Variants in POLB observed in about 807,000 individuals in gnomAD.
The protein encoded by POLB is DNA polymerase beta, also known as 5'-dRP lyase.
A neutral mutation model predicts 52.7 loss-of-function variants in POLB; 37 were observed. The observed-to-expected ratio is 0.70, with a 90% CI of 0.54 to 0.92. The LOEUF is 0.92. Ranked by LOEUF, POLB falls within the 40% of genes least tolerant of loss-of-function variation. POLB has a pLI of 0.00. For missense variants in POLB, 313 were observed against 400.8 expected (o/e 0.78, Z 1.87); for synonymous variants, 138 against 131.3 (o/e 1.05, Z -0.35).
chr8:42,368,754 A>G (rs1050901922), intron 11 of POLB, among the ~76,000 whole-genome samples: 1 of 152,048 alleles, frequency 6.6e-6, no homozygotes, highest in Admixed American at 6.6e-5. Context: ...GATTTCTTCA[A>G]TTTCAAACTC....
intron 13 of POLB, chr8:42,370,266 T>G (rs1824300067): frequency 1.5e-5 from 7 of 455,198 alleles, no homozygotes; most frequent in East Asian, 1.1e-4. Flanking sequence ...AGGGTTTTTT[T>G]TTTTTTTTTT....
At position 42,357,379 on chromosome 8, in the gene POLB, C is replaced by T; in HGVS notation, c.537C>T (p.Gly179=). ...CTGAATACATTGCTACAGTCTGTGG[C>T]AGTTTCAGAAGAGGTAACATACTTC... ...VDSEYIATVC[G]SFRRGAESSG... Residue 179 remains glycine (G), a synonymous_variant, in exon 9 of 14, where the codon GGC becomes GGT. Coordinates refer to ENST00000265421, the MANE Select transcript of POLB (RefSeq NM_002690.3). The T allele has an allele frequency of 6.4e-7, 1 of 1,567,304 alleles. No homozygotes were observed.
chr8:42,344,166 G>A (rs1023519430), intron 2 of POLB, among the ~76,000 whole-genome samples: 6 of 150,542 alleles, frequency 4.0e-5, no homozygotes, highest in East Asian at 3.9e-4. Context: ...AAAAGTGGCC[G>A]GGAGTGGTGG....
intron 9 of POLB, chr8:42,361,094 A>T: frequency 1.4e-6 from 1 of 690,270 alleles, no homozygotes; most frequent in Non-Finnish European, 2.6e-6. Flanking sequence ...TTGTCATCAC[A>T]GATTCTGCTG....
chr8:42,367,709 G>A (rs963714181), intron 11 of POLB, among the ~76,000 whole-genome samples: 7 of 152,000 alleles, frequency 4.6e-5, no homozygotes, highest in Non-Finnish European at 2.9e-5. Flanking sequence ...CAAACCTTAG[G>A]AAAGCCATGG....
At chr8:42,345,280 T>G (rs1822540195) in intron 3 of POLB, among the ~76,000 whole-genome samples, 1 of 152,242 alleles carries the variant, frequency 6.6e-6, no homozygotes, top group African/African-American at 2.4e-5. Context: ...AATATATACA[T>G]GTACTCACGT....
At chr8:42,342,109 G>A (rs2130773308) in intron 2 of POLB, 1 of 1,226,562 alleles carries the variant, frequency 8.2e-7, no homozygotes. Context: ...CATAACCAGG[G>A]AATCATTTGG....
chr8:42,345,308 G>A (rs1450127487), intron 3 of POLB, among the ~76,000 whole-genome samples: 2 of 152,208 alleles, frequency 1.3e-5, no homozygotes, highest in Non-Finnish European at 2.9e-5. Context: ...CAACTTGAGT[G>A]TTGGTTTTTA....
intron 2 of POLB, chr8:42,342,598 A>C (rs956304493): frequency 2.9e-6 from 2 of 700,368 alleles, no homozygotes; most frequent in African/African-American, 1.8e-5. Flanking sequence ...TATCTCTTAA[A>C]GTAGGCCTTA....
At chr8:42,365,483 T>A (rs1196821346) in intron 11 of POLB, among the ~76,000 whole-genome samples, 1 of 152,196 alleles carries the variant, frequency 6.6e-6, no homozygotes, top group Non-Finnish European at 1.5e-5. Flanking sequence ...CATTTAAGAA[T>A]ATTCAGTCAG....
At chr8:42,351,915 C>T (rs1236352174) in intron 5 of POLB, among the ~76,000 whole-genome samples, 2 of 152,178 alleles carry the variant, frequency 1.3e-5, no homozygotes, top group Non-Finnish European at 2.9e-5. Context: ...TTTCTCTTCT[C>T]TTGAACAGGC....
In POLB at chr8:42,370,156, T is replaced by TA. The variant is rs1162284991; in HGVS notation, c.913+169dup. 11 of 689,662 alleles carry TA rather than the reference T, an allele frequency of 1.6e-5. No homozygotes were observed. The East Asian group carries it at 3.1e-4, about 19-fold the overall frequency. The allele number at this position is 689,662 out of a possible 1,614,324, so 42.7% of individuals were successfully genotyped here. On this transcript the variant is annotated intron_variant, in intron 13 of 13. Coordinates refer to ENST00000265421, the MANE Select transcript of POLB (RefSeq NM_002690.3). ...GAGGATTTAATGCATAACATGCTCC[T>TA]AGGCCCTCAGTTGAAGGCCATCAAG...
rs539517090 is a variant in POLB, at chr8:42,344,772, G to A, written c.120-181G>A. On this transcript the variant is annotated intron_variant, in intron 2 of 13. Transcript: ENST00000265421. ...GGAGGTTCCAGTGAGCTGAGATCGC[G>A]CTGCTGCACTCCAGCCTGGCAACAG... 2.4e-4 allele frequency among the ~76,000 whole-genome samples: 36 copies of A among 152,044 alleles called. No individual in the cohort carries two copies. In the South Asian group the frequency reaches 5.2e-3, roughly 22 times the overall value.
chr8:42,356,189 A>G (rs781752480), intron 7 of POLB, among the ~76,000 whole-genome samples: 1 of 152,102 alleles, frequency 6.6e-6, no homozygotes, highest in Non-Finnish European at 1.5e-5. Flanking sequence ...AGTCCTAATT[A>G]CCTTTTGAAT....
intron 11 of POLB, among the ~76,000 whole-genome samples, chr8:42,365,482 A>G (rs950822434): frequency 4.6e-5 from 7 of 152,234 alleles, no homozygotes; most frequent in African/African-American, 1.7e-4. Context: ...ACATTTAAGA[A>G]TATTCAGTCA....
chr8:42,344,450 C>G (rs1822474129), intron 2 of POLB, among the ~76,000 whole-genome samples: 1 of 137,886 alleles, frequency 7.3e-6, no homozygotes, highest in Admixed American at 7.3e-5. Flanking sequence ...GCCTGGGCAA[C>G]AAGAGCAAAA....
chr8:42,362,604 T>G lies in POLB; in HGVS notation c.622-8T>G, dbSNP rs1201688534. ...TCTTTTTCTTATTCCCTAATTATGA[T>G]TCTACAGCCAAAACTGTTACATCAG... On this transcript the variant is annotated splice_polypyrimidine_tract_variant and splice_region_variant and intron_variant, in intron 10 of 13. Transcript: ENST00000265421. 6.4e-7 allele frequency: 1 copy of G among 1,562,224 alleles called. No homozygotes were observed. The highest frequency in any genetic ancestry group is 1.4e-5 in the African/African-American group (1 of 73,734).
At chr8:42,369,166 A>G in intron 11 of POLB, 105 bp from the exon 12 acceptor site, 1 of 645,704 alleles carries the variant, frequency 1.5e-6, no homozygotes, top group Non-Finnish European at 2.8e-6. Context: ...TCAGAATTCT[A>G]GAGCTGCTAA....
At chr8:42,347,175 G>A (rs1472521716) in intron 3 of POLB, among the ~76,000 whole-genome samples, 1 of 151,796 alleles carries the variant, frequency 6.6e-6, no homozygotes, top group Non-Finnish European at 1.5e-5. Context: ...GCATAAGACT[G>A]GTTGTAAAAA....
Sources: allele counts gnomAD v4.1 joint callset (sites outside exome capture counted in the v4.1 genomes callset), GRCh38; gene constraint gnomAD v4.1.1; transcripts MANE v1.5; gene names NCBI Gene and HGNC (gene_info 2026-07-23, HGNC 2026-07-21).